Variants in CATSPERE observed in about 807,000 individuals in gnomAD.
The protein encoded by CATSPERE is catsper channel auxiliary subunit epsilon.
Under a neutral mutation model 114.1 loss-of-function variants are expected in CATSPERE, and 93 were observed. That is an observed-to-expected ratio of 0.81 (90% CI 0.69 to 0.97). The LOEUF is 0.97. CATSPERE is among the 50% of genes least tolerant of loss of function. The pLI is 0.00. For synonymous variants in CATSPERE, 341 were observed against 384.1 expected, an observed-to-expected ratio of 0.89 and a Z score of 1.31; for missense variants, 1,058 against 1,131.6, an observed-to-expected ratio of 0.93 and a Z score of 0.93.
chr1:244,560,807 C>G lies in CATSPERE; in HGVS notation c.1169C>G (p.Thr390Ser), dbSNP rs762143981. Reference protein sequence around the residue: ...ILSLSVTATLTIDRVEYTGHP... With the variant: ...ILSLSVTATLSIDRVEYTGHP... ...AGTCTATCGGTGACTGCTACTCTGA[C>G]CATAGACAGGGTTGAGTATACAGGA... Residue 390 changes from threonine to serine, a missense_variant, in exon 10 of 22, where the codon ACC becomes AGC. By Grantham distance (58) the Thr-to-Ser change is moderately conservative (BLOSUM62 1). Transcript: ENST00000366534. The G allele has an allele frequency of 6.2e-7, 1 of 1,614,018 alleles. No individual in the cohort carries two copies. The highest frequency in any genetic ancestry group is 1.1e-5 in the South Asian group (1 of 91,072).
intron 14 of CATSPERE, among the ~76,000 whole-genome samples, chr1:244,589,621 A>G (rs1572899653): frequency 6.6e-6 from 1 of 152,164 alleles, no homozygotes; most frequent in Non-Finnish European, 1.5e-5. Context: ...CAAAATCTGC[A>G]TTTTAACAAA....
chr1:244,606,632 C>T (rs539188048), intron 18 of CATSPERE, among the ~76,000 whole-genome samples: 146 of 136,694 alleles, frequency 1.1e-3, no homozygotes, highest in African/African-American at 3.9e-3. Flanking sequence ...TTAAGAGTCT[C>T]GCTCTGTTGC....
chr1:244,559,846 C>T (rs537807602), intron 9 of CATSPERE, among the ~76,000 whole-genome samples: 2 of 152,154 alleles, frequency 1.3e-5, no homozygotes, highest in East Asian at 3.9e-4. Context: ...CCGATAGAAA[C>T]AATTTATAAA....
chr1:244,562,088 GC>G (rs1662645997), intron 10 of CATSPERE, among the ~76,000 whole-genome samples: 1 of 148,276 alleles, frequency 6.7e-6, no homozygotes, highest in African/African-American at 2.5e-5. Context: ...GGAGGTCAAG[GC>G]TGCAGTGAGC....
intron 9 of CATSPERE, among the ~76,000 whole-genome samples, chr1:244,556,055 T>G (rs868793612): frequency 6.6e-6 from 1 of 152,044 alleles, no homozygotes; most frequent in South Asian, 2.1e-4. Flanking sequence ...AAAGTTAATC[T>G]GGTGAGGTGG....
At position 244,581,826 on chromosome 1, in the gene CATSPERE, G is replaced by T; in HGVS notation, c.1981G>T (p.Glu661Ter). The T allele has an allele frequency of 7.5e-7, 1 of 1,337,566 alleles. No individual in the cohort carries two copies. Among genetic ancestry groups the T allele is most frequent in the East Asian group, 2.5e-5 (1 of 40,502 alleles). The allele number at this position is 1,337,566 out of a possible 1,614,324, so 82.9% of individuals were successfully genotyped here. ...AACATTTTATCAGAATGTAGATTAT[G>T]AGAGAATATCTGATTACTTTGAGAC... ...TLTFYQNVDY[E>*]RISDYFETQD... is the part of the protein sequence containing the mutation. Residue 661 changes from glutamate (E) to a stop codon, truncating the protein, a stop_gained, in exon 12 of 22, where the codon GAG becomes TAG. Transcript: ENST00000366534. LOFTEE classifies it high-confidence loss of function.
At chr1:244,455,121 C>T (rs1666009640) in intron 1 of CATSPERE, among the ~76,000 whole-genome samples, 1 of 152,170 alleles carries the variant, frequency 6.6e-6, no homozygotes. Flanking sequence ...ATAGAAACTG[C>T]TCAATACTGT....
intron 18 of CATSPERE, among the ~76,000 whole-genome samples, chr1:244,608,366 CCA>C (rs983074368): frequency 6.6e-6 from 1 of 151,646 alleles, no homozygotes; most frequent in Non-Finnish European, 1.5e-5. Flanking sequence ...AACCCCTTCT[CCA>C]CACACAAAAA....
intron 12 of CATSPERE, among the ~76,000 whole-genome samples, chr1:244,582,910 G>GAT (rs66677443): frequency 7.0e-6 from 1 of 142,452 alleles, no homozygotes; most frequent in African/African-American, 2.8e-5. Context: ...AACAGAATTT[G>GAT]ATATATATAT....
intron 17 of CATSPERE, among the ~76,000 whole-genome samples, chr1:244,600,357 CAAAA>C (rs34923679): frequency 2.1e-5 from 2 of 94,008 alleles, no homozygotes; most frequent in Admixed American, 1.0e-4. Flanking sequence ...CTACCTAGTC[CAAAA>C]AAAAAAAAAA....
intron 8 of CATSPERE, among the ~76,000 whole-genome samples, chr1:244,526,583 G>A (rs1170703386): frequency 6.6e-6 from 1 of 151,778 alleles, no homozygotes. Flanking sequence ...CTTTTCAGTG[G>A]TGCTCACCAG....
intron 2 of CATSPERE, among the ~76,000 whole-genome samples, chr1:244,475,582 G>C (rs1572272609): frequency 6.8e-6 from 1 of 146,862 alleles, no homozygotes; most frequent in South Asian, 2.1e-4. Flanking sequence ...CCGTCGCCAG[G>C]CTAGAGTGCA....
At chr1:244,491,350 T>G (rs1310267741) in intron 6 of CATSPERE, among the ~76,000 whole-genome samples, 1 of 151,480 alleles carries the variant, frequency 6.6e-6, no homozygotes, top group African/African-American at 2.4e-5. Flanking sequence ...GACTACTGGG[T>G]ACATAACGAA....
intron 5 of CATSPERE, 58 bp downstream of exon 5, chr1:244,479,842 T>A: frequency 1.1e-6 from 1 of 914,928 alleles, no homozygotes; most frequent in Non-Finnish European, 1.6e-6. Flanking sequence ...TAGCTTCAAC[T>A]TTTAATTAGC....
At chr1:244,520,668 A>G (rs1356928377) in intron 8 of CATSPERE, among the ~76,000 whole-genome samples, 1 of 151,944 alleles carries the variant, frequency 6.6e-6, no homozygotes, top group Non-Finnish European at 1.5e-5. Flanking sequence ...AGTTTTACAT[A>G]CTGTGGACCC....
intron 8 of CATSPERE, among the ~76,000 whole-genome samples, chr1:244,536,987 T>C (rs1572629914): frequency 6.6e-6 from 1 of 152,134 alleles, no homozygotes; most frequent in Non-Finnish European, 1.5e-5. Flanking sequence ...TTATGTCATC[T>C]GCAAACAAAA....
intron 2 of CATSPERE, among the ~76,000 whole-genome samples, chr1:244,467,238 G>T (rs1667741769): frequency 6.6e-6 from 1 of 152,116 alleles, no homozygotes; most frequent in African/African-American, 2.4e-5. Context: ...ATGGTTTTGT[G>T]TGGGAATTCT....
Position 244,617,695 on chromosome 1 carries a change from A to G in CATSPERE, c.2648+9A>G, listed in dbSNP as rs896920419. The G allele has an allele frequency of 7.2e-6, 11 of 1,527,574 alleles. No homozygotes were observed. Among genetic ancestry groups the G allele is most frequent in the African/African-American group, 4.2e-5 (3 of 71,282 alleles). 94.6% of individuals were successfully genotyped at this position (1,527,574 alleles called of 1,614,324 possible). On this transcript the variant is annotated intron_variant, in intron 20 of 21. Coordinates refer to ENST00000366534, the MANE Select transcript of CATSPERE (RefSeq NM_001130957.2). ...CTGGATCCAAACTATAGGTGAATAT[A>G]TGTGTTACTGTAATAGTGTTAGCAT...
At chr1:244,588,052 G>C (rs61842368) in intron 13 of CATSPERE, among the ~76,000 whole-genome samples, 2,205 of 152,166 alleles carry the variant, frequency 0.014, 25 homozygotes, top group Middle Eastern at 0.024. Context: ...AAATTAGCTG[G>C]GCGTGGTGGT....
Sources: allele counts gnomAD v4.1 joint callset (sites outside exome capture counted in the v4.1 genomes callset), GRCh38; gene constraint gnomAD v4.1.1; transcripts MANE v1.5; gene names NCBI Gene and HGNC (gene_info 2026-07-23, HGNC 2026-07-21).